Variants in PAPPA observed in about 807,000 individuals in gnomAD.
PAPPA encodes the protein pappalysin-1.
PAPPA carries 60 observed loss-of-function variants against 164.0 expected under a neutral mutation model. The ratio of observed to expected loss-of-function variants is 0.37; its 90% CI spans 0.30 to 0.45. The LOEUF (loss-of-function observed/expected upper bound fraction) is 0.45. Among genes scored for constraint, PAPPA ranks in the 20% least tolerant of loss-of-function variants. The pLI is 1.00. For synonymous variants in PAPPA, 875 were observed against 814.1 expected (o/e 1.07, Z -1.27); for missense variants, 1,782 against 2,087.3 (o/e 0.85, Z 2.85).
chr9:116,157,884 T>A (rs930449526), intron 1 of PAPPA, among the ~76,000 whole-genome samples: 4 of 151,906 alleles, frequency 2.6e-5, no homozygotes, highest in Non-Finnish European at 5.9e-5. Flanking sequence ...CTGTTCCTCA[T>A]CCCCAACTGC....
intron 15 of PAPPA, among the ~76,000 whole-genome samples, chr9:116,351,877 C>T (rs1275793956): frequency 6.6e-6 from 1 of 152,182 alleles, no homozygotes; most frequent in Non-Finnish European, 1.5e-5. Context: ...ATTGTCAACA[C>T]CATTCAGTAA....
At chr9:116,373,914 T>G (rs1846610099) in intron 19 of PAPPA, among the ~76,000 whole-genome samples, 1 of 152,124 alleles carries the variant, frequency 6.6e-6, no homozygotes, top group Admixed American at 6.5e-5. Flanking sequence ...AGTACCTATC[T>G]CATAGTTACG....
intron 19 of PAPPA, among the ~76,000 whole-genome samples, chr9:116,377,210 G>GCACA (rs1195210313): frequency 6.6e-6 from 1 of 150,870 alleles, no homozygotes; most frequent in East Asian, 1.9e-4. Context: ...ACACACATGC[G>GCACA]CACACACACA....
At chr9:116,258,762 G>A (rs1844965882) in intron 7 of PAPPA, among the ~76,000 whole-genome samples, 1 of 152,224 alleles carries the variant, frequency 6.6e-6, no homozygotes. Context: ...TTATCTTAAA[G>A]AGATTAACTA....
chr9:116,166,925 A>C (rs1843725258), intron 1 of PAPPA, among the ~76,000 whole-genome samples: 1 of 152,192 alleles, frequency 6.6e-6, no homozygotes, highest in Non-Finnish European at 1.5e-5. Context: ...GGCTAATGCA[A>C]ACATTTGAAG....
intron 7 of PAPPA, among the ~76,000 whole-genome samples, chr9:116,247,020 T>C (rs1844804604): frequency 1.3e-5 from 2 of 152,024 alleles, no homozygotes; most frequent in South Asian, 4.2e-4. Flanking sequence ...TGAGACCCTG[T>C]CTCCAAGAAT....
intron 19 of PAPPA, among the ~76,000 whole-genome samples, chr9:116,369,147 TTC>T (rs138733335): frequency 8.8e-4 from 131 of 148,820 alleles, no homozygotes; most frequent in Non-Finnish European, 1.0e-3. Flanking sequence ...CATCCACTGT[TTC>T]TCTCTCTCTC....
chr9:116,199,851 C>T (rs962542639), intron 2 of PAPPA, among the ~76,000 whole-genome samples: 44 of 152,044 alleles, frequency 2.9e-4, no homozygotes, highest in Admixed American at 1.7e-3. Context: ...GAGGAGCCAG[C>T]ATATGCAGAA....
intron 7 of PAPPA, among the ~76,000 whole-genome samples, chr9:116,238,578 A>C (rs1437937349): frequency 2.6e-5 from 4 of 152,210 alleles, no homozygotes; most frequent in Non-Finnish European, 4.4e-5. Flanking sequence ...ACTTTGTAAA[A>C]GTGCCACGTA....
intron 8 of PAPPA, among the ~76,000 whole-genome samples, chr9:116,269,960 G>A (rs1414168206): frequency 6.6e-6 from 1 of 152,194 alleles, no homozygotes; most frequent in African/African-American, 2.4e-5. Flanking sequence ...CAATGCCCTA[G>A]CCATCTTAAG....
intron 9 of PAPPA, among the ~76,000 whole-genome samples, chr9:116,299,374 T>C (rs1236937416): frequency 6.6e-6 from 1 of 152,182 alleles, no homozygotes; most frequent in Non-Finnish European, 1.5e-5. Flanking sequence ...TATTTCTACC[T>C]TTCCTCCATT....
chr9:116,335,316 A>G (rs1439280163), intron 13 of PAPPA, among the ~76,000 whole-genome samples: 1 of 152,142 alleles, frequency 6.6e-6, no homozygotes, highest in East Asian at 1.9e-4. Context: ...TTGCAGCGGC[A>G]GAATTGACAA....
chr9:116,182,935 C>G (rs566771488), intron 1 of PAPPA, among the ~76,000 whole-genome samples: 1 of 152,112 alleles, frequency 6.6e-6, no homozygotes, highest in Non-Finnish European at 1.5e-5. Flanking sequence ...GGCTCTTGCA[C>G]GCTTTCATTG....
chr9:116,189,509 A>G (rs1392033260), intron 2 of PAPPA, among the ~76,000 whole-genome samples: 1 of 152,184 alleles, frequency 6.6e-6, no homozygotes, highest in Admixed American at 6.5e-5. Context: ...ACTGCTAAAA[A>G]GAGGACAGAA....
intron 21 of PAPPA, 48 bp downstream of exon 21, chr9:116,382,541 A>C: frequency 8.9e-7 from 1 of 1,129,264 alleles, no homozygotes; most frequent in South Asian, 1.2e-5. Context: ...CCACTTCTCC[A>C]GCTTGTGGGG....
chr9:116,167,960 G>T (rs1267011398), intron 1 of PAPPA, among the ~76,000 whole-genome samples: 1 of 152,154 alleles, frequency 6.6e-6, no homozygotes, highest in East Asian at 1.9e-4. Context: ...AGTGAGTAAG[G>T]TTAAGCAGCA....
chr9:116,396,801 T>C lies in PAPPA; in HGVS notation c.*185T>C, dbSNP rs1183553015. 6 of 586,646 alleles carry C rather than the reference T, an allele frequency of 1.0e-5. No homozygotes were observed. Among genetic ancestry groups the C allele is most frequent in the African/African-American group, 9.3e-5 (5 of 53,608 alleles). 36.3% of individuals were successfully genotyped at this position (586,646 alleles called of 1,614,324 possible). A position where few individuals can be genotyped will look rare whatever the true frequency, so the allele number is the denominator to read the frequency against. ...GGGGCGAATGAACCAAGTTTCGCCA[T>C]GCTGGATGATGAAATGGATTCCCAT... On this transcript the variant is annotated 3_prime_UTR_variant, in exon 22 of 22. Coordinates refer to ENST00000328252, the MANE Select transcript of PAPPA (RefSeq NM_002581.5).
At chr9:116,232,391 G>T (rs536450821) in intron 6 of PAPPA, among the ~76,000 whole-genome samples, 72 of 152,222 alleles carry the variant, frequency 4.7e-4, no homozygotes, top group Non-Finnish European at 8.7e-4. Context: ...CCTATTTGAG[G>T]TTTACAGCAA....
intron 10 of PAPPA, among the ~76,000 whole-genome samples, chr9:116,304,863 G>A (rs928152078): frequency 1.3e-5 from 2 of 151,966 alleles, no homozygotes; most frequent in African/African-American, 4.8e-5. Context: ...ATTACTCTGG[G>A]CTTGGACATA....
Sources: gnomAD v4.1 joint callset for allele counts (sites outside exome capture counted in the v4.1 genomes callset) on GRCh38, gnomAD v4.1.1 for gene constraint, MANE v1.5 for transcripts, NCBI Gene and HGNC (gene_info 2026-07-23, HGNC 2026-07-21) for gene names.